SLC27A3: variants seen among roughly 807,000 people sequenced by gnomAD.
SLC27A3 encodes the protein long-chain fatty acid transport protein 3.
In SLC27A3, 60 loss-of-function variants were observed where a neutral mutation model predicts 60.1. The ratio of observed to expected loss-of-function variants is 1.00; its 90% CI spans 0.81 to 1.24. The LOEUF (loss-of-function observed/expected upper bound fraction) is 1.24, where lower values mean the gene tolerates loss of function less well. Ranked by LOEUF, SLC27A3 falls within the 50% of genes most tolerant of loss-of-function variation. The pLI is 0.00. For missense variants in SLC27A3, 1,079 were observed against 929.9 expected, an observed-to-expected ratio of 1.16 and a Z score of -2.09; for synonymous variants, 455 against 409.0, an observed-to-expected ratio of 1.11 and a Z score of -1.36.
At position 153,779,065 on chromosome 1, in the gene SLC27A3, TA is replaced by T. The variant is rs746932741; in HGVS notation, c.1647-47del. On this transcript the variant is annotated intron_variant, in intron 7 of 9. Coordinates refer to ENST00000624995, the MANE Select transcript of SLC27A3 (RefSeq NM_024330.4). ...TGACCTCATCTCCCCACCAAGCCCATAAGGCCCTGACCCCTGACTCCCAGTT... is the reference window on the plus strand; with the variant it reads ...TGACCTCATCTCCCCACCAAGCCCATAGGCCCTGACCCCTGACTCCCAGTT... 55 of 1,589,076 alleles carry T rather than the reference TA, an allele frequency of 3.5e-5. No homozygotes were observed. In the Middle Eastern group the frequency reaches 5.0e-4, roughly 14 times the overall value.
chr1:153,775,972 G>A lies in SLC27A3; in HGVS notation c.475G>A (p.Gly159Arg). 1.4e-6 allele frequency: 2 copies of A among 1,439,366 alleles called. No homozygotes were observed. The highest frequency in any genetic ancestry group is 1.8e-6 in the Non-Finnish European group (2 of 1,103,280). 89.2% of individuals were successfully genotyped at this position (1,439,366 alleles called of 1,614,324 possible). Reference protein sequence around the residue: ...AGGDGAARGGGAAAPLSPGAT... With the variant: ...AGGDGAARGGRAAAPLSPGAT... ...AGGGGACGGTGCCGCCAGAGGTGGA[G>A]GAGCCGCCGCCCCTCTGTCACCTGG... The change falls in exon 1 of 10, where the codon GGA becomes AGA. Residue 159 changes from glycine (G) to arginine (R), a missense_variant. By Grantham distance (125) the Gly-to-Arg change is moderately radical (BLOSUM62 -2). Transcript: ENST00000624995.
intron 6 of SLC27A3, 35 bp downstream of exon 6, chr1:153,778,588 G>T: frequency 6.2e-7 from 1 of 1,610,908 alleles, no homozygotes; most frequent in Non-Finnish European, 8.5e-7. Context: ...GCGGGGTGCT[G>T]AAGCTGGCAC....
rs200502524 is a variant in SLC27A3, at chr1:153,778,482, T to C, written c.1376T>C (p.Leu459Ser). ...WLYKHIFPFS[L>S]IRYDVTTGEP... ...CCCCAGCATATCTTCCCCTTCTCCT[T>C]GATTCGCTATGATGTCACCACAGGA... is the stretch of plus-strand genomic sequence containing the variant. Residue 459 changes from leucine (L) to serine (S), a missense_variant, in exon 6 of 10, where the codon TTG becomes TCG. Coordinates refer to ENST00000624995, the MANE Select transcript of SLC27A3 (RefSeq NM_024330.4). 18 of 1,614,168 alleles carry C rather than the reference T, an allele frequency of 1.1e-5. No homozygotes were observed. The highest frequency in any genetic ancestry group is 1.5e-5 in the Non-Finnish European group (18 of 1,180,006).
Position 153,775,593 on chromosome 1 carries a change from C to T in SLC27A3, c.96C>T (p.Asp32=), listed in dbSNP as rs1673150901. ...CGCAGTTGCGCTGGCTTCCGGCGGA[C>T]TTGGCCTTTGCGGTGCGAGCTCTGT... ...LWPQLRWLPA[D]LAFAVRALCC... Residue 32 remains aspartate, a synonymous_variant, in exon 1 of 10, where the codon GAC becomes GAT. Coordinates refer to ENST00000624995, the MANE Select transcript of SLC27A3 (RefSeq NM_024330.4). The T allele has an allele frequency of 1.2e-6, 2 of 1,602,920 alleles. No individual in the cohort carries two copies. Among genetic ancestry groups the T allele is most frequent in the African/African-American group, 2.7e-5 (2 of 74,926 alleles).
In SLC27A3 at chr1:153,776,715, T is replaced by C. The variant is rs1322862865; in HGVS notation, c.865T>C (p.Ser289Pro). 4 of 1,614,018 alleles carry C rather than the reference T, an allele frequency of 2.5e-6. No individual in the cohort carries two copies. In the South Asian group the frequency reaches 4.4e-5, roughly 18 times the overall value. The part of the protein sequence containing the change: ...ITDTCLYIFT[S>P]GTTGLPKAAR... ...AGACACGTGCCTGTACATCTTCACC[T>C]CTGGCACCACGGGTGAGGGCCGGGC... is the stretch of plus-strand genomic sequence containing the variant. The change falls in exon 2 of 10, where the codon TCT (serine) becomes CCT (proline). Residue 289 changes from serine (S) to proline (P), a missense_variant. Coordinates refer to ENST00000624995, the MANE Select transcript of SLC27A3 (RefSeq NM_024330.4).
Position 153,775,756 on chromosome 1 carries a change from G to A in SLC27A3, c.259G>A (p.Gly87Ser), listed in dbSNP as rs751100123. 6.6e-7 allele frequency: 1 copy of A among 1,504,522 alleles called. No homozygotes were observed. The highest frequency in any genetic ancestry group is 8.8e-7 in the Non-Finnish European group (1 of 1,131,824). 93.2% of individuals were successfully genotyped at this position (1,504,522 alleles called of 1,614,324 possible). A position where few individuals can be genotyped will look rare whatever the true frequency, so the allele number is the denominator to read the frequency against. Residue 87 changes from glycine (G) to serine (S), a missense_variant, in exon 1 of 10, where the codon GGC becomes AGC. Physicochemically the swap from Gly to Ser is moderately conservative, Grantham distance 56. Transcript: ENST00000624995. ...CGCCGCGCACACCTTTCTCATTCAC[G>A]GCTCGCGGCGCTTTAGCTACTCAGA... ...QRAAHTFLIH[G>S]SRRFSYSEAE...
chr1:153,778,258 A>G lies in SLC27A3; in HGVS notation c.1259A>G (p.Gln420Arg). The G allele has an allele frequency of 6.2e-7, 1 of 1,614,144 alleles. No homozygotes were observed. Among genetic ancestry groups the G allele is most frequent in the Non-Finnish European group, 8.5e-7 (1 of 1,180,026 alleles). The change falls in exon 5 of 10, where the codon CAG (glutamine) becomes CGG (arginine). Residue 420 changes from glutamine to arginine, a missense_variant. Transcript: ENST00000624995. ...TTTGTGCGGCGCTTCGGGCCCCTGC[A>G]GGTGCTGGAGACATATGGACTGACA... ...ERFVRRFGPL[Q>R]VLETYGLTEG... is the part of the protein sequence containing the mutation.
At position 153,779,994 on chromosome 1, in the gene SLC27A3, C is replaced by T. The variant is rs1347564125; in HGVS notation, c.2044C>T (p.Arg682Ter). 5 of 1,611,654 alleles carry T rather than the reference C, an allele frequency of 3.1e-6. No individual in the cohort carries two copies. The highest frequency in any genetic ancestry group is 4.5e-5 in the East Asian group (2 of 44,818). ...CAGCGCCCTCCTGGCAGGAAACCTT[C>T]GAATCTGAGAACTTCCACACCTGAG... ...RYSALLAGNL[R>*]I Residue 682 changes from arginine to a stop codon, truncating the protein, a stop_gained, in exon 10 of 10, where the codon CGA becomes TGA. Transcript: ENST00000624995. LOFTEE classifies it high-confidence loss of function.
At position 153,780,066 on chromosome 1, in the gene SLC27A3, C is replaced by T. The variant is rs866650624; in HGVS notation, c.*64C>T. On this transcript the variant is annotated 3_prime_UTR_variant, in exon 10 of 10. Transcript: ENST00000624995. ...TGGGGTGGGGGCCGTTGCAGGTGTA[C>T]TGGGCTGTCAGGGATCTTTTCTATA... is the stretch of plus-strand genomic sequence containing the variant. 1 of 1,454,648 alleles carries T rather than the reference C, an allele frequency of 6.9e-7. No individual in the cohort carries two copies. The highest frequency in any genetic ancestry group is 9.4e-7 in the Non-Finnish European group (1 of 1,066,864). The allele number at this position is 1,454,648 out of a possible 1,614,324, so 90.1% of individuals were successfully genotyped here.
In SLC27A3 at chr1:153,775,472, C is replaced by G; in HGVS notation, c.-26C>G. ...ATGTTTGCGAGCGGCTGGAACCAGA[C>G]GGTGCCGATAGAGGAAGCGGGCTCC... On this transcript the variant is annotated 5_prime_UTR_variant, in exon 1 of 10. Transcript: ENST00000624995. The G allele has an allele frequency of 6.2e-7, 1 of 1,613,032 alleles. No individual in the cohort carries two copies. Among genetic ancestry groups the G allele is most frequent in the Non-Finnish European group, 8.5e-7 (1 of 1,180,020 alleles).
Position 153,778,751 on chromosome 1 carries a change from G to A in SLC27A3, c.1512G>A (p.Gly504=), listed in dbSNP as rs373167085. ...CCCCATTCCTGGGCTATGCTGGCGG[G>A]CCAGAGCTGGCCCAGGGGAAGTTGC... ...QQSPFLGYAG[G]PELAQGKLLK... is the part of the protein sequence containing the mutation. The change falls in exon 7 of 10, where the codon GGG becomes GGA. Residue 504 remains glycine, a synonymous_variant. Coordinates refer to ENST00000624995, the MANE Select transcript of SLC27A3 (RefSeq NM_024330.4). 6 of 1,613,940 alleles carry A rather than the reference G, an allele frequency of 3.7e-6. No individual in the cohort carries two copies. Among genetic ancestry groups the A allele is most frequent in the Middle Eastern group, 1.6e-4 (1 of 6,062 alleles).
At chr1:153,776,408 C>A in intron 1 of SLC27A3, 110 bp from the exon 2 acceptor site, 1 of 1,291,452 alleles carries the variant, frequency 7.7e-7, no homozygotes, top group Non-Finnish European at 1.1e-6. Flanking sequence ...ATGTCCATAC[C>A]CTTCACCCTC....
At position 153,777,164 on chromosome 1, in the gene SLC27A3, T is replaced by C; in HGVS notation, c.980T>C (p.Leu327Pro). 6.2e-7 allele frequency: 1 copy of C among 1,614,258 alleles called. No individual in the cohort carries two copies. The highest frequency in any genetic ancestry group is 8.5e-7 in the Non-Finnish European group (1 of 1,180,048). Residue 327 changes from leucine (L) to proline (P), a missense_variant, in exon 3 of 10, where the codon CTC (leucine) becomes CCC (proline). Physicochemically the swap from Leu to Pro is moderately conservative, Grantham distance 98. Coordinates refer to ENST00000624995, the MANE Select transcript of SLC27A3 (RefSeq NM_024330.4). ...CAGGAAGATGTGATCTACCTCGCCC[T>C]CCCACTCTACCACATGTCCGGTTCC... The part of the protein sequence containing the change: ...VHQEDVIYLA[L>P]PLYHMSGSLL...
Position 153,775,619 on chromosome 1 carries a change from G to A in SLC27A3, c.122G>A (p.Cys41Tyr), listed in dbSNP as rs781390147. 6.3e-7 allele frequency: 1 copy of A among 1,575,734 alleles called. No individual in the cohort carries two copies. Among genetic ancestry groups the A allele is most frequent in the Non-Finnish European group, 8.6e-7 (1 of 1,162,858 alleles). Residue 41 changes from cysteine to tyrosine, a missense_variant, in exon 1 of 10, where the codon TGC (cysteine) becomes TAC (tyrosine). Physicochemically the swap from Cys to Tyr is radical, Grantham distance 194. Coordinates refer to ENST00000624995, the MANE Select transcript of SLC27A3 (RefSeq NM_024330.4). ...TTGGCCTTTGCGGTGCGAGCTCTGT[G>A]CTGCAAAAGGGCTCTTCGAGCTCGC... ...ADLAFAVRAL[C>Y]CKRALRARAL... is the part of the protein sequence containing the mutation.
In SLC27A3 at chr1:153,778,245, T is replaced by C. The variant is rs1292647942; in HGVS notation, c.1246T>C (p.Phe416Leu). Residue 416 changes from phenylalanine to leucine, a missense_variant, in exon 5 of 10, where the codon TTC becomes CTC. Coordinates refer to ENST00000624995, the MANE Select transcript of SLC27A3 (RefSeq NM_024330.4). ...PDTWERFVRR[F>L]GPLQVLETYG... is the part of the protein sequence containing the mutation. ...TACCTGGGAGCGTTTTGTGCGGCGC[T>C]TCGGGCCCCTGCAGGTGCTGGAGAC... 41 of 1,614,052 alleles carry C rather than the reference T, an allele frequency of 2.5e-5. No homozygotes were observed. The highest frequency in any genetic ancestry group is 1.6e-4 in the Middle Eastern group (1 of 6,062).
Position 153,777,796 on chromosome 1 carries a change from G to A in SLC27A3, c.1072G>A (p.Gly358Ser). ...GGTGCTGAAATCCAAGTTCTCGGCT[G>A]GTCAGTTCTGGGAAGATTGCCAGCA... ...TVVLKSKFSA[G>S]QFWEDCQQHR... The change falls in exon 4 of 10, where the codon GGT becomes AGT. Residue 358 changes from glycine (G) to serine (S), a missense_variant. Transcript: ENST00000624995. 1 of 1,614,232 alleles carries A rather than the reference G, an allele frequency of 6.2e-7. No homozygotes were observed. Among genetic ancestry groups the A allele is most frequent in the East Asian group, 2.2e-5 (1 of 44,882 alleles).
Position 153,778,222 on chromosome 1 carries a change from C to T in SLC27A3, c.1223C>T (p.Thr408Ile), listed in dbSNP as rs547644986. 11 of 1,613,722 alleles carry T rather than the reference C, an allele frequency of 6.8e-6. No individual in the cohort carries two copies. The Admixed American group carries it at 8.3e-5, about 12-fold the overall frequency. Residue 408 changes from threonine (T) to isoleucine (I), a missense_variant, in exon 5 of 10, where the codon ACC (threonine) becomes ATC (isoleucine). Coordinates refer to ENST00000624995, the MANE Select transcript of SLC27A3 (RefSeq NM_024330.4). ...GTGGGCAGCGGGCTGCGCCCAGATA[C>T]CTGGGAGCGTTTTGTGCGGCGCTTC... is the stretch of plus-strand genomic sequence containing the variant. ...LAVGSGLRPD[T>I]WERFVRRFGP...
chr1:153,778,980 G>GAA (rs1344150069), intron 7 of SLC27A3, 95 bp downstream of exon 7: 2 of 1,462,566 alleles, frequency 1.4e-6, no homozygotes, highest in Non-Finnish European at 1.9e-6. Context: ...CCTCAACCTG[G>GAA]GTCCTAAGCT....
rs758415249 is a variant in SLC27A3, at chr1:153,778,298, C to T, written c.1299C>T (p.Ala433=). 2 of 1,614,214 alleles carry T rather than the reference C, an allele frequency of 1.2e-6. No individual in the cohort carries two copies. The highest frequency in any genetic ancestry group is 1.7e-6 in the Non-Finnish European group (2 of 1,180,036). ...ATGGACTGACAGAGGGCAACGTGGCCACCATCAACTACACAGGACAGCGGG... is the reference window on the plus strand; with the variant it reads ...ATGGACTGACAGAGGGCAACGTGGCTACCATCAACTACACAGGACAGCGGG... ...ETYGLTEGNV[A]TINYTGQRGA... is the part of the protein sequence containing the mutation. Residue 433 remains alanine (A), a synonymous_variant, in exon 5 of 10, where the codon GCC becomes GCT. Transcript: ENST00000624995.
Sources: gnomAD v4.1 joint callset for allele counts on GRCh38, gnomAD v4.1.1 for gene constraint, MANE v1.5 for transcripts, NCBI Gene and HGNC (gene_info 2026-07-23, HGNC 2026-07-21) for gene names.